The following KCNA2 variants were observed in gnomAD, a reference collection of about 807,000 sequenced individuals.
The protein encoded by KCNA2 is potassium channel, voltage gated shaker related subfamily A, member 2.
KCNA2 carries 11 observed loss-of-function variants against 33.4 expected under a neutral mutation model. That is an observed-to-expected ratio of 0.33 (90% CI 0.21 to 0.55). KCNA2 has a LOEUF of 0.55. KCNA2 is among the 20% of genes least tolerant of loss of function. KCNA2 has a pLI of 0.93. For missense variants in KCNA2, 291 were observed against 621.6 expected, an observed-to-expected ratio of 0.47 and a Z score of 5.66; for synonymous variants, 222 against 231.3, an observed-to-expected ratio of 0.96 and a Z score of 0.37.
intron 1 of KCNA2, among the ~76,000 whole-genome samples, chr1:110,615,823 G>T (rs2101444215): frequency 6.6e-6 from 1 of 152,304 alleles, no homozygotes; most frequent in African/African-American, 2.4e-5. Flanking sequence ...AGGGACAGAG[G>T]GTCGGGGCGC....
intron 1 of KCNA2, among the ~76,000 whole-genome samples, chr1:110,621,215 C>T (rs1054368010): frequency 2.6e-5 from 4 of 152,164 alleles, no homozygotes; most frequent in Non-Finnish European, 5.9e-5. Flanking sequence ...ATATTTTTAA[C>T]GGTTTCCATA....
At position 110,602,066 on chromosome 1, in the gene KCNA2, T is replaced by C. The variant is rs1181914884; in HGVS notation, c.*1217A>G. ...CAGGACCAGATGCCCTGGTCCACTG[T>C]ACAGTCATGCCCGCGACTAGGTTAA... On this transcript the variant is annotated 3_prime_UTR_variant, in exon 3 of 3. Coordinates refer to ENST00000316361, the MANE Select transcript of KCNA2 (RefSeq NM_004974.4). 1 of 1,550,518 alleles carries C rather than the reference T, an allele frequency of 6.4e-7. No homozygotes were observed. The highest frequency in any genetic ancestry group is 2.0e-5 in the Admixed American group (1 of 50,988).
upstream of KCNA2, among the ~76,000 whole-genome samples, chr1:110,608,287 C>G (rs553969273): frequency 6.6e-6 from 1 of 152,212 alleles, no homozygotes; most frequent in Non-Finnish European, 1.5e-5. Flanking sequence ...GGGAGGCAGA[C>G]GACAGCCTCA....
chr1:110,617,807 C>T (rs183437161), intron 1 of KCNA2, among the ~76,000 whole-genome samples: 82 of 152,296 alleles, frequency 5.4e-4, no homozygotes, highest in Admixed American at 1.0e-3. Flanking sequence ...TGTGTGTGCA[C>T]TCATGCATGT....
At chr1:110,619,864 T>G (rs1192984661) in intron 1 of KCNA2, among the ~76,000 whole-genome samples, 1 of 152,112 alleles carries the variant, frequency 6.6e-6, no homozygotes, top group Non-Finnish European at 1.5e-5. Flanking sequence ...TTAGTGTGGT[T>G]AAGTAACATA....
chr1:110,598,193 T>C lies in KCNA2; in HGVS notation c.*5090A>G, dbSNP rs996319381. The C allele has an allele frequency of 8.8e-6, 5 of 567,702 alleles. No individual in the cohort carries two copies. The highest frequency in any genetic ancestry group is 2.9e-4 in the East Asian group (2 of 6,872). 35.2% of individuals were successfully genotyped at this position (567,702 alleles called of 1,614,324 possible). A position where few individuals can be genotyped will look rare whatever the true frequency, so the allele number is the denominator to read the frequency against. On this transcript the variant is annotated 3_prime_UTR_variant, in exon 3 of 3. Coordinates refer to ENST00000316361, the MANE Select transcript of KCNA2 (RefSeq NM_004974.4). ...CAACCAAGGAGCACCATGGATATTATAGCCCTCGCAGATGAGGCGGCCATC... is the reference window on the plus strand; with the variant it reads ...CAACCAAGGAGCACCATGGATATTACAGCCCTCGCAGATGAGGCGGCCATC...
At position 110,599,667 on chromosome 1, in the gene KCNA2, T is replaced by C. The variant is rs556370468; in HGVS notation, c.*3616A>G. ...TGCAAAGGATGGAAGGGCAATAAAATCTGTGGGCTTAGAGAATGTTGGGGA... is the reference window on the plus strand; with the variant it reads ...TGCAAAGGATGGAAGGGCAATAAAACCTGTGGGCTTAGAGAATGTTGGGGA... On this transcript the variant is annotated 3_prime_UTR_variant, in exon 3 of 3. Coordinates refer to ENST00000316361, the MANE Select transcript of KCNA2 (RefSeq NM_004974.4). The C allele has an allele frequency of 1.0e-6, 1 of 985,398 alleles. No homozygotes were observed. Among genetic ancestry groups the C allele is most frequent in the African/African-American group, 1.7e-5 (1 of 57,356 alleles). 61.0% of individuals were successfully genotyped at this position (985,398 alleles called of 1,614,324 possible).
chr1:110,597,833 A>G lies in KCNA2; in HGVS notation c.*5450T>C, dbSNP rs942065101. On this transcript the variant is annotated 3_prime_UTR_variant, in exon 3 of 3. Transcript: ENST00000316361. ...TTCCTCTTTAAAAATATTCAAACAC[A>G]AACTATGAGAGATGAAGCTGAGATT... The G allele has an allele frequency of 1.0e-6, 1 of 985,162 alleles. No individual in the cohort carries two copies. The highest frequency in any genetic ancestry group is 1.7e-5 in the African/African-American group (1 of 57,238). The allele number at this position is 985,162 out of a possible 1,614,324, so 61.0% of individuals were successfully genotyped here. A position where few individuals can be genotyped will look rare whatever the true frequency, so the allele number is the denominator to read the frequency against.
upstream of KCNA2, chr1:110,606,635 G>A (rs1345153357): frequency 1.3e-5 from 2 of 152,406 alleles, no homozygotes; most frequent in Admixed American, 6.5e-5. Flanking sequence ...CTCCTGCTGC[G>A]GGCCCAAGCG....
rs1649006818 is a variant in KCNA2, at chr1:110,594,392, C to A, written c.*8891G>T. 3 of 984,762 alleles carry A rather than the reference C, an allele frequency of 3.0e-6. No individual in the cohort carries two copies. Among genetic ancestry groups the A allele is most frequent in the Non-Finnish European group, 2.4e-6 (2 of 829,906 alleles). The allele number at this position is 984,762 out of a possible 1,614,324, so 61.0% of individuals were successfully genotyped here. A position where few individuals can be genotyped will look rare whatever the true frequency, so the allele number is the denominator to read the frequency against. On this transcript the variant is annotated 3_prime_UTR_variant, in exon 3 of 3. Transcript: ENST00000316361. ...TCTCCAGAGGCAGCCTATATAAGCA[C>A]ATAAGCACACAGGTCTGGAAAAGGA... is the stretch of plus-strand genomic sequence containing the variant.
At chr1:110,612,484 C>T (rs530588879) in intron 1 of KCNA2, among the ~76,000 whole-genome samples, 1 of 152,324 alleles carries the variant, frequency 6.6e-6, no homozygotes, top group South Asian at 2.1e-4. Flanking sequence ...ACCCGACACA[C>T]TCCACATGCA....
intron 1 of KCNA2, among the ~76,000 whole-genome samples, chr1:110,624,576 T>G (rs762015097): frequency 6.6e-6 from 1 of 152,212 alleles, no homozygotes; most frequent in Non-Finnish European, 1.5e-5. Context: ...TAATACTTAG[T>G]CTAAAAATGA....
chr1:110,606,479 G>A (rs1245478071), upstream of KCNA2: 1 of 152,216 alleles, frequency 6.6e-6, no homozygotes, highest in Non-Finnish European at 1.5e-5. Context: ...GGGCGGGGAG[G>A]GGTCTGGGCC....
chr1:110,604,707 C>T lies in KCNA2; in HGVS notation c.76G>A (p.Glu26Lys). 6.2e-7 allele frequency: 1 copy of T among 1,614,202 alleles called. No individual in the cohort carries two copies. Among genetic ancestry groups the T allele is most frequent in the Non-Finnish European group, 8.5e-7 (1 of 1,180,038 alleles). ...PGHPQDTYDPEADHECCERVV... is the reference protein window; with the variant it reads ...PGHPQDTYDPKADHECCERVV... Reference sequence around the variant, plus strand: ...CTCTCACAGCACTCGTGGTCTGCCTCTGGGTCATAGGTGTCCTGTGGGTGC... The same window carrying T: ...CTCTCACAGCACTCGTGGTCTGCCTTTGGGTCATAGGTGTCCTGTGGGTGC... The change falls in exon 3 of 3, where the codon GAG becomes AAG. Residue 26 changes from glutamate (E) to lysine (K), a missense_variant. This residue lies in a region of KCNA2 where 163 missense variants were observed against 273.5 expected (regional missense o/e 0.60). Transcript: ENST00000316361. This position sits in a 1 kb window ranked among gnomAD's most constrained non-coding sequence, Gnocchi z 7.6.
At chr1:110,618,940 T>C (rs1171823883) in intron 1 of KCNA2, among the ~76,000 whole-genome samples, 1 of 152,218 alleles carries the variant, frequency 6.6e-6, no homozygotes, top group Non-Finnish European at 1.5e-5. Flanking sequence ...TTCCTATTCA[T>C]GCCCTCGCAG....
At position 110,601,784 on chromosome 1, in the gene KCNA2, A is replaced by ATG; in HGVS notation, c.*1498_*1499insCA. ...CCTGAACTCCAGAAAATGAATATAT[A>ATG]TATATATATATGTGTGTGTGTGTGT... On this transcript the variant is annotated 3_prime_UTR_variant, in exon 3 of 3. Coordinates refer to ENST00000316361, the MANE Select transcript of KCNA2 (RefSeq NM_004974.4). 2 of 1,146,358 alleles carry ATG rather than the reference A, an allele frequency of 1.7e-6. No individual in the cohort carries two copies. Among genetic ancestry groups the ATG allele is most frequent in the Non-Finnish European group, 2.1e-6 (2 of 949,028 alleles). The allele number at this position is 1,146,358 out of a possible 1,614,324, so 71.0% of individuals were successfully genotyped here.
intron 1 of KCNA2, among the ~76,000 whole-genome samples, chr1:110,616,036 G>A (rs1261293891): frequency 1.3e-5 from 2 of 152,242 alleles, no homozygotes; most frequent in African/African-American, 4.8e-5. Context: ...AGAGACCTGA[G>A]TTTCTTTCTG....
chr1:110,601,097 A>G lies in KCNA2; in HGVS notation c.*2186T>C, dbSNP rs188320745. 4 of 985,386 alleles carry G rather than the reference A, an allele frequency of 4.1e-6. No individual in the cohort carries two copies. The Admixed American group carries it at 2.5e-4, about 61-fold the overall frequency. The allele number at this position is 985,386 out of a possible 1,614,324, so 61.0% of individuals were successfully genotyped here. A position where few individuals can be genotyped will look rare whatever the true frequency, so the allele number is the denominator to read the frequency against. On this transcript the variant is annotated 3_prime_UTR_variant, in exon 3 of 3. Transcript: ENST00000316361. ...TCTACCTTTAGGCTGTGCAGTGCTCATTTGCACTCTACTTCTTCTGGGGGG... is the reference window on the plus strand; with the variant it reads ...TCTACCTTTAGGCTGTGCAGTGCTCGTTTGCACTCTACTTCTTCTGGGGGG...
rs1394592644 is a variant in KCNA2, at chr1:110,594,924, G to A, written c.*8359C>T. On this transcript the variant is annotated 3_prime_UTR_variant, in exon 3 of 3. Transcript: ENST00000316361. ...TAGCAGCTGACATGGAAATTGTTTG[G>A]TAGCAAAGTGCGCCCCTGAATATTC... 17 of 985,320 alleles carry A rather than the reference G, an allele frequency of 1.7e-5. No homozygotes were observed. Among genetic ancestry groups the A allele is most frequent in the African/African-American group, 3.5e-5 (2 of 57,224 alleles). 61.0% of individuals were successfully genotyped at this position (985,320 alleles called of 1,614,324 possible). A position where few individuals can be genotyped will look rare whatever the true frequency, so the allele number is the denominator to read the frequency against.
Sources: allele counts gnomAD v4.1 joint callset (sites outside exome capture counted in the v4.1 genomes callset), GRCh38; gene constraint gnomAD v4.1.1; regional missense constraint gnomAD v4.1.1; non-coding constraint Gnocchi (gnomAD v3.1); transcripts MANE v1.5; gene names NCBI Gene and HGNC (gene_info 2026-07-23, HGNC 2026-07-21).